Variants in NOC2L observed in about 807,000 individuals in gnomAD.
NOC2L encodes nucleolar complex protein 2 homolog.
In NOC2L, 101 loss-of-function variants were observed where a neutral mutation model predicts 94.2. The ratio of observed to expected loss-of-function variants is 1.07; its 90% CI spans 0.91 to 1.26. NOC2L has a LOEUF of 1.26. Ranked by LOEUF, NOC2L falls within the 50% of genes most tolerant of loss-of-function variation. NOC2L has a pLI of 0.00. For missense variants in NOC2L, 1,076 were observed against 980.1 expected, an observed-to-expected ratio of 1.10 and a Z score of -1.31; for synonymous variants, 531 against 413.4, an observed-to-expected ratio of 1.28 and a Z score of -3.45.
rs745330712 is a variant in NOC2L, at chr1:952,515, G to A, written c.1088C>T (p.Thr363Met). The stretch of plus-strand genomic sequence containing the variant: ...ACCCGGCTCCAGGGCCAGCAGCTCC[G>A]TCAAGGTCCACTGCATGAAACTGAT... ...PFISFMQWTL[T>M]ELLALEPGVA... The change falls in exon 10 of 19, where the codon ACG becomes ATG. Residue 363 changes from threonine (T) to methionine (M), a missense_variant. This residue lies in a region of NOC2L where 615 missense variants were observed against 577.4 expected (regional missense o/e 1.07). Transcript: ENST00000327044. 2.2e-5 allele frequency: 36 copies of A among 1,613,780 alleles called. No homozygotes were observed. Among genetic ancestry groups the A allele is most frequent in the Admixed American group, 3.3e-5 (2 of 60,010 alleles).
intron 14 of NOC2L, 59 bp from the exon 15 acceptor site, chr1:946,604 C>G: frequency 6.3e-7 from 1 of 1,581,562 alleles, no homozygotes; most frequent in Non-Finnish European, 8.6e-7. Context: ...CACAGCTGGC[C>G]CAGGTCCTGT....
chr1:950,074 A>G (rs1295166732), intron 12 of NOC2L, among the ~76,000 whole-genome samples: 1 of 152,240 alleles, frequency 6.6e-6, no homozygotes, highest in Non-Finnish European at 1.5e-5. Flanking sequence ...GCAAAGATGC[A>G]TACACACAGG....
Position 944,229 on chromosome 1 carries a change from G to A in NOC2L, c.*465C>T, listed in dbSNP as rs924281888. 57 of 1,458,456 alleles carry A rather than the reference G, an allele frequency of 3.9e-5. No homozygotes were observed. In the East Asian group the frequency reaches 4.7e-4, roughly 12 times the overall value. 90.3% of individuals were successfully genotyped at this position (1,458,456 alleles called of 1,614,324 possible). A position where few individuals can be genotyped will look rare whatever the true frequency, so the allele number is the denominator to read the frequency against. ...CAACACAATGGCCCTGCCTCCCACCGCTTTATTTCTTTCGGTTTCGGATGC... is the reference window on the plus strand; with the variant it reads ...CAACACAATGGCCCTGCCTCCCACCACTTTATTTCTTTCGGTTTCGGATGC... On this transcript the variant is annotated 3_prime_UTR_variant, in exon 19 of 19. Transcript: ENST00000327044.
At position 953,762 on chromosome 1, in the gene NOC2L, G is replaced by A. The variant is rs1317008567; in HGVS notation, c.888+20C>T. ...CCCCCGACCCCATGACAGACACAGG[G>A]AGGGGACTGGGCCACGAACCTTGAG... On this transcript the variant is annotated intron_variant, in intron 8 of 18. Coordinates refer to ENST00000327044, the MANE Select transcript of NOC2L (RefSeq NM_015658.4). The A allele has an allele frequency of 1.3e-5, 20 of 1,569,402 alleles. No homozygotes were observed. The highest frequency in any genetic ancestry group is 6.7e-5 in the East Asian group (3 of 44,654).
At chr1:945,406 A>G in intron 17 of NOC2L, 112 bp downstream of exon 17, 5 of 1,353,934 alleles carry the variant, frequency 3.7e-6, no homozygotes, top group Non-Finnish European at 5.0e-6. Context: ...CAGCTGGGCC[A>G]GAGACTGGTG....
intron 6 of NOC2L, among the ~76,000 whole-genome samples, chr1:955,573 G>A (rs375847753): frequency 1.3e-5 from 2 of 152,362 alleles, no homozygotes; most frequent in Admixed American, 1.3e-4. Flanking sequence ...TCATAGTGCA[G>A]AGATCAAGGA....
chr1:955,898 C>A, intron 6 of NOC2L, 25 bp downstream of exon 6: 9 of 1,562,266 alleles, frequency 5.8e-6, no homozygotes, highest in Non-Finnish European at 7.1e-6. Context: ...TCCACCCTAC[C>A]CCCCTTCACC....
Position 945,572 on chromosome 1 carries a change from G to A in NOC2L, c.1999C>T (p.Leu667Phe), listed in dbSNP as rs554710385. ...KDEDRKQFKD[L>F]FDLNSSEEDD... The stretch of plus-strand genomic sequence containing the variant: ...TCTTCAGAGCTGTTCAGGTCAAAGA[G>A]GTCTTTAAATTGCTTCCTGTCCTCA... Residue 667 changes from leucine (L) to phenylalanine (F), a missense_variant, in exon 17 of 19, where the codon CTC becomes TTC. Transcript: ENST00000327044. 10 of 1,614,162 alleles carry A rather than the reference G, an allele frequency of 6.2e-6. No individual in the cohort carries two copies. The African/African-American group carries it at 6.7e-5, about 11-fold the overall frequency.
At chr1:944,848 A>T in intron 18 of NOC2L, 48 bp from the exon 19 acceptor site, 1 of 1,396,956 alleles carries the variant, frequency 7.2e-7, no homozygotes, top group Non-Finnish European at 9.8e-7. Context: ...ATCAGGAAGA[A>T]GCCAGCCTTA....
chr1:955,949 A>T lies in NOC2L; in HGVS notation c.672T>A (p.Phe224Leu). ...DLIGCLQKLL[F>L]GKVAKDSSRM... Reference sequence around the variant, plus strand: ...TGCTGCTATCCTTTGCCACCTTTCCAAACAGCAGCTTCTGGAGACAGCCAA... The same window carrying T: ...TGCTGCTATCCTTTGCCACCTTTCCTAACAGCAGCTTCTGGAGACAGCCAA... The change falls in exon 6 of 19, where the codon TTT (phenylalanine) becomes TTA (leucine). Residue 224 changes from phenylalanine to leucine, a missense_variant. Around this residue, in one of 3 missense-constraint regions of NOC2L, gnomAD observed 457 missense variants for 386.0 expected, o/e 1.18. Coordinates refer to ENST00000327044, the MANE Select transcript of NOC2L (RefSeq NM_015658.4). The T allele has an allele frequency of 6.2e-7, 1 of 1,601,626 alleles. No homozygotes were observed.
At chr1:952,675 G>A (rs1165544937) in intron 9 of NOC2L, 75 bp from the exon 10 acceptor site, 2 of 1,432,682 alleles carry the variant, frequency 1.4e-6, no homozygotes, top group Non-Finnish European at 2.0e-6. Context: ...GGGCCCCTGT[G>A]AACACCTGGG....
rs559380664 is a variant in NOC2L, at chr1:951,458, C to T, written c.1332-220G>A. On this transcript the variant is annotated intron_variant, in intron 11 of 18. Transcript: ENST00000327044. ...ATTTCAACACGGTGGCAGGGGTCAT[C>T]TGTTCCTGCCTGCTCTCCTCCCTGT... is the stretch of plus-strand genomic sequence containing the variant. 8.6e-5 allele frequency among the ~76,000 whole-genome samples: 13 copies of T among 151,774 alleles called. No homozygotes were observed. In the East Asian group the frequency reaches 1.9e-3, roughly 23 times the overall value.
At position 958,924 on chromosome 1, in the gene NOC2L, C is replaced by G. The variant is rs762968103; in HGVS notation, c.179+5G>C. 1.9e-6 allele frequency: 3 copies of G among 1,612,762 alleles called. No homozygotes were observed. Among genetic ancestry groups the G allele is most frequent in the South Asian group, 2.2e-5 (2 of 91,092 alleles). ...GAGGTTCTGCTCACGCATGTCCCCA[C>G]TAACCTGGCCGAGGGGCTCCCGCCC... On this transcript the variant is annotated splice_donor_5th_base_variant and intron_variant, in intron 2 of 18. Transcript: ENST00000327044.
At position 944,816 on chromosome 1, in the gene NOC2L, G is replaced by A. The variant is rs370120035; in HGVS notation, c.2144-16C>T. On this transcript the variant is annotated splice_polypyrimidine_tract_variant and intron_variant, in intron 18 of 18. Coordinates refer to ENST00000327044, the MANE Select transcript of NOC2L (RefSeq NM_015658.4). ...GGGTCTCCATCTGCGGGGAGAGATG[G>A]AGGCTACATAAATTTTGCTTTATCA... 2.1e-4 allele frequency: 317 copies of A among 1,522,810 alleles called. 1 individual carries two copies. In the Middle Eastern group the frequency reaches 4.8e-3, roughly 23 times the overall value. The allele number at this position is 1,522,810 out of a possible 1,614,324, so 94.3% of individuals were successfully genotyped here. A position where few individuals can be genotyped will look rare whatever the true frequency, so the allele number is the denominator to read the frequency against.
rs773996144 is a variant in NOC2L, at chr1:951,111, C to T, written c.1443+16G>A. The T allele has an allele frequency of 1.2e-5, 19 of 1,552,264 alleles. No individual in the cohort carries two copies. The South Asian group carries it at 2.1e-4, about 17-fold the overall frequency. ...AGCAGGCAGAGGTGCCACACGCCCA[C>T]CACAGCCTCACTCACCTCCAGGATG... On this transcript the variant is annotated intron_variant, in intron 12 of 18. Coordinates refer to ENST00000327044, the MANE Select transcript of NOC2L (RefSeq NM_015658.4).
Position 956,834 on chromosome 1 carries a change from G to A in NOC2L, c.486+60C>T. The A allele has an allele frequency of 2.5e-6, 4 of 1,599,912 alleles. No homozygotes were observed. In the East Asian group the frequency reaches 8.9e-5, roughly 36 times the overall value. On this transcript the variant is annotated intron_variant, in intron 4 of 18. Transcript: ENST00000327044. ...CGCCCCTCGCTGCTGCTCACCTCAGGTGAGGCAAGGCCAGATTTCTGCCTG... is the reference window on the plus strand; with the variant it reads ...CGCCCCTCGCTGCTGCTCACCTCAGATGAGGCAAGGCCAGATTTCTGCCTG...
At position 956,085 on chromosome 1, in the gene NOC2L, C is replaced by A. The variant is rs371083090; in HGVS notation, c.607+10G>T. The A allele has an allele frequency of 1.2e-6, 2 of 1,614,084 alleles. No individual in the cohort carries two copies. The highest frequency in any genetic ancestry group is 1.7e-6 in the Non-Finnish European group (2 of 1,180,026). On this transcript the variant is annotated intron_variant, in intron 5 of 18. Coordinates refer to ENST00000327044, the MANE Select transcript of NOC2L (RefSeq NM_015658.4). The stretch of plus-strand genomic sequence containing the variant: ...AGACAGCCTGGATGCCAGGCTCCCC[C>A]CAAGCTCACCAGCACTGTCCGTGAC...
rs1008126206 is a variant in NOC2L, at chr1:950,420, TAC to T, written c.1443+705_1443+706del. Among the ~76,000 whole-genome samples the T allele has an allele frequency of 9.3e-5, 14 of 150,052 alleles. No homozygotes were observed. The South Asian group carries it at 2.1e-3, about 23-fold the overall frequency. ...GCACACAGGTGCACACACGCACAGG[TAC>T]ACACATGCAGACAGGTGCACACAGG... On this transcript the variant is annotated intron_variant, in intron 12 of 18. Transcript: ENST00000327044.
At chr1:947,182 C>A (rs1642138062) in intron 14 of NOC2L, 1 of 152,302 alleles carries the variant, frequency 6.6e-6, no homozygotes, top group African/African-American at 2.4e-5. Context: ...CCATTTGGCC[C>A]CTCACCAAAA....
Sources: gnomAD v4.1 joint callset for allele counts (sites outside exome capture counted in the v4.1 genomes callset) on GRCh38, gnomAD v4.1.1 for gene constraint, gnomAD v4.1.1 regional missense constraint, MANE v1.5 for transcripts, NCBI Gene and HGNC (gene_info 2026-07-23, HGNC 2026-07-21) for gene names.